The following ME3 variants were observed in gnomAD, a reference collection of about 807,000 sequenced individuals.
ME3 encodes malic enzyme 3.
ME3 carries 48 observed loss-of-function variants against 68.9 expected under a neutral mutation model. That is an observed-to-expected ratio of 0.70 (90% CI 0.55 to 0.89). The LOEUF (loss-of-function observed/expected upper bound fraction) is 0.89. ME3 is among the 40% of genes least tolerant of loss of function. The pLI is 0.00. For missense variants in ME3, 675 were observed against 797.4 expected (o/e 0.85, Z 1.85); for synonymous variants, 320 against 318.8 (o/e 1.00, Z -0.04).
chr11:86,529,066 G>A (rs963644867), intron 4 of ME3, among the ~76,000 whole-genome samples: 1 of 152,134 alleles, frequency 6.6e-6, no homozygotes, highest in Non-Finnish European at 1.5e-5. Context: ...ATGAATCCAA[G>A]AGTAGTTTTT....
At chr11:86,505,117 A>G (rs560473255) in intron 5 of ME3, among the ~76,000 whole-genome samples, 95 of 152,360 alleles carry the variant, frequency 6.2e-4, no homozygotes, top group African/African-American at 2.1e-3. Context: ...CCCAAGTGCT[A>G]TGAAAGAATG....
At chr11:86,452,116 C>T (rs1949664804) in intron 8 of ME3, among the ~76,000 whole-genome samples, 1 of 152,170 alleles carries the variant, frequency 6.6e-6, no homozygotes, top group South Asian at 2.1e-4. Context: ...GCTCCTCTTA[C>T]CATTTCACCT....
At chr11:86,485,927 A>T (rs966701093) in intron 7 of ME3, among the ~76,000 whole-genome samples, 2 of 152,150 alleles carry the variant, frequency 1.3e-5, no homozygotes, top group African/African-American at 4.8e-5. Flanking sequence ...GGGCCCAGAG[A>T]GCTGCCCAGT....
intron 4 of ME3, among the ~76,000 whole-genome samples, chr11:86,556,258 A>G (rs1339384496): frequency 2.6e-5 from 4 of 152,238 alleles, no homozygotes; most frequent in Non-Finnish European, 5.9e-5. Flanking sequence ...TGACAGGTAG[A>G]TAATGAGAGA....
chr11:86,446,583 A>G (rs1949312387), intron 12 of ME3, 96 bp from the exon 13 acceptor site: 1 of 1,211,226 alleles, frequency 8.3e-7, no homozygotes, highest in African/African-American at 1.5e-5. Context: ...ACCCTTCTTC[A>G]TCCTCTCCCA....
chr11:86,634,201 T>A (rs1944193293), intron 2 of ME3, among the ~76,000 whole-genome samples: 1 of 152,168 alleles, frequency 6.6e-6, no homozygotes, highest in Non-Finnish European at 1.5e-5. Context: ...TGCCTCCATC[T>A]GGTCAGTCAG....
intron 4 of ME3, among the ~76,000 whole-genome samples, chr11:86,540,133 G>C (rs1311777811): frequency 2.0e-5 from 3 of 152,200 alleles, no homozygotes; most frequent in Non-Finnish European, 4.4e-5. Context: ...CTGAGCCCCT[G>C]TCCCATCCTG....
At chr11:86,435,893 T>C in the ME3 span, 11 of 152,206 alleles carry the variant, frequency 7.2e-5, no homozygotes, top group Non-Finnish European at 1.3e-4. Flanking sequence ...AGGCTTCCCT[T>C]GGGGATGATG....
chr11:86,622,492 C>T (rs1943409253), intron 2 of ME3, among the ~76,000 whole-genome samples: 1 of 151,930 alleles, frequency 6.6e-6, no homozygotes, highest in African/African-American at 2.4e-5. Context: ...TGATAGATTA[C>T]TGATTCAGTC....
intron 2 of ME3, among the ~76,000 whole-genome samples, chr11:86,561,300 T>A (rs56009909): frequency 1.3e-5 from 2 of 152,100 alleles, no homozygotes; most frequent in Non-Finnish European, 1.5e-5. Flanking sequence ...GCCGTGGTCC[T>A]AGACTAAGCC....
At chr11:86,630,295 C>T (rs776858237) in intron 2 of ME3, among the ~76,000 whole-genome samples, 6 of 152,122 alleles carry the variant, frequency 3.9e-5, no homozygotes, top group Admixed American at 6.5e-5. Context: ...TGACTGACAG[C>T]GCTTGGTTGA....
chr11:86,586,037 G>A (rs1958712009), intron 2 of ME3, among the ~76,000 whole-genome samples: 1 of 152,206 alleles, frequency 6.6e-6, no homozygotes, highest in African/African-American at 2.4e-5. Context: ...AGTTGATGGA[G>A]TTATACTGGA....
intron 2 of ME3, among the ~76,000 whole-genome samples, chr11:86,570,496 C>T (rs1957731437): frequency 6.6e-6 from 1 of 152,054 alleles, no homozygotes; most frequent in Non-Finnish European, 1.5e-5. Flanking sequence ...TTATGAGAGC[C>T]CCTGAGCACA....
At chr11:86,591,647 G>A (rs1019941439) in intron 2 of ME3, among the ~76,000 whole-genome samples, 1 of 152,174 alleles carries the variant, frequency 6.6e-6, no homozygotes, top group Admixed American at 6.5e-5. Flanking sequence ...AAAATAAAGA[G>A]GTTTAATGGA....
exon 14 of ME3, chr11:86,442,911 G>A (rs1217537890): frequency 6.2e-7 from 1 of 1,611,248 alleles, no homozygotes; most frequent in South Asian, 1.1e-5. Context: ...AGACTTCCTG[G>A]GCAATTTGCT....
At chr11:86,437,418 G>A (rs533031529), downstream of ME3, 1 of 152,120 alleles carries the variant, frequency 6.6e-6, no homozygotes, top group South Asian at 2.1e-4. Context: ...AGGGCACTTT[G>A]TTCTTCTTTA....
intron 2 of ME3, among the ~76,000 whole-genome samples, chr11:86,602,406 A>C (rs1960850704): frequency 6.6e-6 from 1 of 152,214 alleles, no homozygotes; most frequent in African/African-American, 2.4e-5. Flanking sequence ...AGGGACAAGA[A>C]GGACCTCTTC....
intron 2 of ME3, among the ~76,000 whole-genome samples, chr11:86,569,421 C>G (rs1057323398): frequency 4.6e-5 from 7 of 152,306 alleles, no homozygotes; most frequent in East Asian, 1.9e-4. Context: ...AGTCGACTAC[C>G]TGCAACCTCC....
At chr11:86,464,278 G>A (rs865902250) in intron 8 of ME3, 13 of 332,552 alleles carry the variant, frequency 3.9e-5, no homozygotes, top group African/African-American at 2.4e-4. Flanking sequence ...GGTTTCTCTC[G>A]GACTTTACAA....
Sources: allele counts gnomAD v4.1 joint callset (sites outside exome capture counted in the v4.1 genomes callset), GRCh38; gene constraint gnomAD v4.1.1; transcripts MANE v1.5; gene names NCBI Gene and HGNC (gene_info 2026-07-23, HGNC 2026-07-21).